EVPLL: variants seen among roughly 807,000 people sequenced by gnomAD.
EVPLL encodes envoplakin like.
Under a neutral mutation model 46.2 loss-of-function variants are expected in EVPLL, and 39 were observed. That is an observed-to-expected ratio of 0.84 (90% CI 0.65 to 1.10). The LOEUF (loss-of-function observed/expected upper bound fraction) is 1.10, where lower values mean the gene tolerates loss of function less well. Ranked by LOEUF, EVPLL falls within the 50% of genes least tolerant of loss-of-function variation. The pLI is 0.00. For missense variants in EVPLL, 385 were observed against 412.6 expected (o/e 0.93, Z 0.58); for synonymous variants, 156 against 165.8 (o/e 0.94, Z 0.46).
At chr17:18,383,997 G>A (rs1987689908) in intron 9 of EVPLL, among the ~76,000 whole-genome samples, 1 of 152,044 alleles carries the variant, frequency 6.6e-6, no homozygotes, top group South Asian at 2.1e-4. Flanking sequence ...ATAGAGCTGT[G>A]TGGTTGCCAC....
chr17:18,381,588 C>A lies in EVPLL; in HGVS notation c.219-15C>A, dbSNP rs1250534577. The A allele has an allele frequency of 6.2e-7, 1 of 1,614,044 alleles. No homozygotes were observed. Among genetic ancestry groups the A allele is most frequent in the Admixed American group, 1.7e-5 (1 of 60,018 alleles). On this transcript the variant is annotated splice_polypyrimidine_tract_variant and intron_variant, in intron 3 of 10. Coordinates refer to ENST00000399134, the MANE Select transcript of EVPLL (RefSeq NM_001145127.2). This position sits in a 1 kb window ranked among gnomAD's most constrained non-coding sequence, Gnocchi z 4.2. The stretch of plus-strand genomic sequence containing the variant: ...CCCAGGCCCAGCCCTGACCTGCTGG[C>A]CACCTTCTTGACAGCATCGAGCAGC...
At chr17:18,386,027 A>T (rs562471508) in intron 9 of EVPLL, among the ~76,000 whole-genome samples, 8 of 152,222 alleles carry the variant, frequency 5.3e-5, no homozygotes, top group Admixed American at 2.6e-4. Flanking sequence ...TTGGTTTGCT[A>T]GGGCTTCCTT....
chr17:18,388,026 CCAT>C, intron 9 of EVPLL, 190 bp from the exon 10 acceptor site: 2 of 91,000 alleles, frequency 2.2e-5, no homozygotes, highest in Non-Finnish European at 4.6e-5. Context: ...CTCTCTCTCT[CCAT>C]ATATATATAT....
chr17:18,386,335 G>C (rs1423314768), intron 9 of EVPLL: 2 of 152,110 alleles, frequency 1.3e-5, no homozygotes, highest in African/African-American at 4.8e-5. Context: ...TCCATAAGAC[G>C]CTGTCTCCAA....
At chr17:18,388,461 G>T in intron 10 of EVPLL, 173 bp downstream of exon 10, 2 of 546,204 alleles carry the variant, frequency 3.7e-6, no homozygotes, top group South Asian at 2.7e-5. Flanking sequence ...CCAGCAGAGT[G>T]GGGTACCTGG....
At position 18,380,909 on chromosome 17, in the gene EVPLL, C is replaced by T. The variant is rs761294833; in HGVS notation, c.-29C>T. On this transcript the variant is annotated 5_prime_UTR_variant, in exon 2 of 11. Coordinates refer to ENST00000399134, the MANE Select transcript of EVPLL (RefSeq NM_001145127.2). ...TCCCCTCCACCCACCAAGAATGCCA[C>T]CCAGGAGCTGACCCTGCTCATCTCC... The T allele has an allele frequency of 5.7e-6, 9 of 1,572,192 alleles. No individual in the cohort carries two copies. Among genetic ancestry groups the T allele is most frequent in the African/African-American group, 1.4e-5 (1 of 73,814 alleles).
At chr17:18,386,627 G>T (rs1395453997) in intron 9 of EVPLL, among the ~76,000 whole-genome samples, 1 of 152,048 alleles carries the variant, frequency 6.6e-6, no homozygotes, top group Non-Finnish European at 1.5e-5. Flanking sequence ...TCCCAGCACT[G>T]GTGCAGTTGC....
At chr17:18,384,422 T>G (rs1422016720) in intron 9 of EVPLL, among the ~76,000 whole-genome samples, 1 of 145,004 alleles carries the variant, frequency 6.9e-6, no homozygotes, top group Non-Finnish European at 1.5e-5. Context: ...GGTGACAGAC[T>G]GTGACTCTGT....
At chr17:18,387,820 G>A (rs1483353922) in intron 9 of EVPLL, 1 of 152,628 alleles carries the variant, frequency 6.6e-6, no homozygotes, top group African/African-American at 2.4e-5. Flanking sequence ...GACCAGCCTG[G>A]ATAACACGGC....
At chr17:18,386,929 C>T (rs969433353) in intron 9 of EVPLL, among the ~76,000 whole-genome samples, 7 of 149,740 alleles carry the variant, frequency 4.7e-5, no homozygotes, top group African/African-American at 1.5e-4. Flanking sequence ...GAGTCTTGCT[C>T]TGTCGCCCAG....
intron 9 of EVPLL, among the ~76,000 whole-genome samples, chr17:18,385,609 T>C (rs1186726016): frequency 6.7e-6 from 1 of 148,606 alleles, no homozygotes; most frequent in Non-Finnish European, 1.5e-5. Context: ...AAGGCATGTG[T>C]GTGTGCATGT....
At position 18,381,073 on chromosome 17, in the gene EVPLL, ACTCC is replaced by A; in HGVS notation, c.63+76_63+79del. The A allele has an allele frequency of 6.6e-7, 1 of 1,515,872 alleles. No homozygotes were observed. The highest frequency in any genetic ancestry group is 9.0e-7 in the Non-Finnish European group (1 of 1,116,638). The allele number at this position is 1,515,872 out of a possible 1,614,324, so 93.9% of individuals were successfully genotyped here. On this transcript the variant is annotated intron_variant, in intron 2 of 10. Coordinates refer to ENST00000399134, the MANE Select transcript of EVPLL (RefSeq NM_001145127.2). This position sits in a 1 kb window ranked among gnomAD's most constrained non-coding sequence, Gnocchi z 4.2. ...TGGGAGGCCCATCATCAGGCCTGGC[ACTCC>A]CTGAGTGCCCCCTGGTGATGGTGAA...
chr17:18,382,839 T>TC lies in EVPLL; in HGVS notation c.488dup (p.Glu164GlyfsTer8). ...TGGTCAAGGCAGGATGCCGCCACCA[T>TC]CCGGAGCCAATACCGAGACCTACTG... On this transcript the variant is annotated frameshift_variant, in exon 6 of 11. Coordinates refer to ENST00000399134, the MANE Select transcript of EVPLL (RefSeq NM_001145127.2). LOFTEE classifies it high-confidence loss of function. 6.2e-7 allele frequency: 1 copy of TC among 1,613,240 alleles called. No individual in the cohort carries two copies. Among genetic ancestry groups the TC allele is most frequent in the Non-Finnish European group, 8.5e-7 (1 of 1,179,706 alleles).
rs1478809247 is a variant in EVPLL at position 18,382,677 on chromosome 17, C to T, written c.472+39C>T. 8 of 1,552,210 alleles carry T rather than the reference C, an allele frequency of 5.2e-6. No individual in the cohort carries two copies. The South Asian group carries it at 8.3e-5, about 16-fold the overall frequency. ...GAAGATGTTACATCCGGGGCCAGCC[C>T]CAGCCCCTGTTTTTCCAGTCAGAGC... On this transcript the variant is annotated intron_variant, in intron 5 of 10. Transcript: ENST00000399134.
chr17:18,383,614 G>T lies in EVPLL; in HGVS notation c.876+27G>T, dbSNP rs1172940815. On this transcript the variant is annotated intron_variant, in intron 9 of 10. Transcript: ENST00000399134. ...TGAGCCCTCGGGCAGCGGCAGGGCGGCAGGGCGGCAGGGCGGGAGGTCCCA... is the reference window on the plus strand; with the variant it reads ...TGAGCCCTCGGGCAGCGGCAGGGCGTCAGGGCGGCAGGGCGGGAGGTCCCA... 348 of 1,000,292 alleles carry T rather than the reference G, an allele frequency of 3.5e-4. 15 individuals carry two copies. In the South Asian group the frequency reaches 5.1e-3, roughly 15 times the overall value. 62.0% of individuals were successfully genotyped at this position (1,000,292 alleles called of 1,614,324 possible).
chr17:18,382,371 C>A, intron 4 of EVPLL, 142 bp from the exon 5 acceptor site: 1 of 1,162,316 alleles, frequency 8.6e-7, no homozygotes, highest in Non-Finnish European at 1.2e-6. Flanking sequence ...GGGTGAGCTG[C>A]AGGGCGTGCA....
Position 18,381,326 on chromosome 17 carries a change from G to A in EVPLL, c.64-41G>A, listed in dbSNP as rs777653079. ...CAATGATGGGCAGCAGGGGTGTGGG[G>A]GCTCTGGACCCTGGCAAGTCTGCCC... On this transcript the variant is annotated intron_variant, in intron 2 of 10. Transcript: ENST00000399134. The surrounding 1 kb of genome is among the most constrained non-coding windows in gnomAD (Gnocchi z 4.2). 40 of 1,512,552 alleles carry A rather than the reference G, an allele frequency of 2.6e-5. No individual in the cohort carries two copies. Among genetic ancestry groups the A allele is most frequent in the Non-Finnish European group, 3.4e-5 (38 of 1,125,998 alleles). 93.7% of individuals were successfully genotyped at this position (1,512,552 alleles called of 1,614,324 possible). A position where few individuals can be genotyped will look rare whatever the true frequency, so the allele number is the denominator to read the frequency against.
intron 1 of EVPLL, chr17:18,380,272 C>T (rs1003603537): frequency 6.6e-6 from 1 of 152,414 alleles, no homozygotes; most frequent in Non-Finnish European, 1.5e-5. Flanking sequence ...TCCCTGACCA[C>T]GTAACTCAGA....
In EVPLL at chr17:18,381,004, A is replaced by G. The variant is rs762134519; in HGVS notation, c.63+4A>G. The G allele has an allele frequency of 6.3e-7, 1 of 1,579,900 alleles. No homozygotes were observed. Among genetic ancestry groups the G allele is most frequent in the South Asian group, 1.2e-5 (1 of 85,840 alleles). On this transcript the variant is annotated splice_donor_region_variant and intron_variant, in intron 2 of 10. Coordinates refer to ENST00000399134, the MANE Select transcript of EVPLL (RefSeq NM_001145127.2). The surrounding 1 kb of genome is among the most constrained non-coding windows in gnomAD (Gnocchi z 4.2). The stretch of plus-strand genomic sequence containing the variant: ...GACGCAGAAGAGGCTGCAGCAGGTG[A>G]GAACCCGGCAGCAGTTGGCAGGGTG...
Sources: gnomAD v4.1 joint callset for allele counts (sites outside exome capture counted in the v4.1 genomes callset) on GRCh38, gnomAD v4.1.1 for gene constraint, Gnocchi (gnomAD v3.1) non-coding constraint, MANE v1.5 for transcripts, NCBI Gene and HGNC (gene_info 2026-07-23, HGNC 2026-07-21) for gene names.